Variants in ENTPD5 observed in about 807,000 individuals in gnomAD.
The protein encoded by ENTPD5 is nucleoside diphosphate phosphatase ENTPD5.
ENTPD5 carries 49 observed loss-of-function variants against 60.2 expected under a neutral mutation model. That is an observed-to-expected ratio of 0.81 (90% CI 0.65 to 1.03). ENTPD5 has a LOEUF of 1.03. Ranked by LOEUF, ENTPD5 falls within the 50% of genes least tolerant of loss-of-function variation. The pLI is 0.00. For synonymous variants in ENTPD5, 187 were observed against 185.4 expected (o/e 1.01, Z -0.07); for missense variants, 480 against 507.6 (o/e 0.95, Z 0.52).
chr14:73,973,109 G>A, intron 12 of ENTPD5, 85 bp from the exon 13 acceptor site: 1 of 1,501,230 alleles, frequency 6.7e-7, no homozygotes. Flanking sequence ...TGGAGACAAT[G>A]AGGGAACAGC....
rs987370994 is a variant in ENTPD5, at chr14:73,987,985, G to C, written c.118C>G (p.Pro40Ala). Residue 40 changes from proline to alanine, a missense_variant, in exon 4 of 16, where the codon CCC (proline) becomes GCC (alanine). By Grantham distance (27) the Pro-to-Ala change is conservative. Transcript: ENST00000334696. ...FEGIFLSSMCPINVSASTLYG... is the reference protein window; with the variant it reads ...FEGIFLSSMCAINVSASTLYG... Reference sequence around the variant, plus strand: ...AAGGTGCTGGCGCTGACATTGATGGGGCACATGGAAGACAGGAAGATACCC... The same window carrying C: ...AAGGTGCTGGCGCTGACATTGATGGCGCACATGGAAGACAGGAAGATACCC... 6 of 1,614,106 alleles carry C rather than the reference G, an allele frequency of 3.7e-6. No homozygotes were observed. Among genetic ancestry groups the C allele is most frequent in the Non-Finnish European group, 4.2e-6 (5 of 1,180,038 alleles).
chr14:73,961,083 C>T (rs74381978), downstream of ENTPD5: 1,140 of 1,452,682 alleles, frequency 7.8e-4, 7 homozygotes, highest in African/African-American at 0.014. Flanking sequence ...TTAGCCTAAG[C>T]TTTGGTTACA....
downstream of ENTPD5, among the ~76,000 whole-genome samples, chr14:73,962,159 G>A (rs2056769879): frequency 6.6e-6 from 1 of 152,006 alleles, no homozygotes; most frequent in African/African-American, 2.4e-5. Flanking sequence ...TGTTGGCCAA[G>A]CTGGTCTTGA....
downstream of ENTPD5, chr14:73,955,688 C>A: frequency 2.0e-6 from 3 of 1,513,326 alleles, no homozygotes; most frequent in Non-Finnish European, 2.8e-6. Context: ...ATTTTCCTAC[C>A]AGAGAGGCTG....
intron 14 of ENTPD5, 33 bp from the exon 15 acceptor site, chr14:73,970,158 T>C (rs750187914): frequency 2.0e-6 from 3 of 1,484,690 alleles, no homozygotes; most frequent in Admixed American, 1.7e-5. Context: ...GAGCTCAAGT[T>C]TGCAACTAAC....
At chr14:74,009,678 A>T (rs1230952816) in intron 3 of ENTPD5, among the ~76,000 whole-genome samples, 1 of 152,182 alleles carries the variant, frequency 6.6e-6, no homozygotes. Flanking sequence ...GCTGCAGTGG[A>T]GCAATCACAG....
Position 73,976,030 on chromosome 14 carries a change from A to G in ENTPD5, c.643-15T>C, listed in dbSNP as rs563099982. On this transcript the variant is annotated splice_polypyrimidine_tract_variant and intron_variant, in intron 9 of 15. Coordinates refer to ENST00000334696, the MANE Select transcript of ENTPD5 (RefSeq NM_001249.5). The stretch of plus-strand genomic sequence containing the variant: ...TCCAGAGTTTTCTGCAAATCAGAAA[A>G]AGCAAAAAGACTATTCAGGATCTGT... 2 of 1,603,046 alleles carry G rather than the reference A, an allele frequency of 1.2e-6. No homozygotes were observed. Among genetic ancestry groups the G allele is most frequent in the East Asian group, 4.5e-5 (2 of 44,832 alleles).
intron 6 of ENTPD5, among the ~76,000 whole-genome samples, chr14:73,982,164 T>C (rs2057717559): frequency 6.6e-6 from 1 of 152,156 alleles, no homozygotes; most frequent in South Asian, 2.1e-4. Context: ...AACCTCTGCT[T>C]CCTGGGTTGA....
chr14:74,009,992 G>A (rs1011723852), intron 3 of ENTPD5, among the ~76,000 whole-genome samples: 3 of 152,176 alleles, frequency 2.0e-5, no homozygotes, highest in South Asian at 2.1e-4. Context: ...GGGTTTCACC[G>A]TGTTAGCCAG....
downstream of ENTPD5, chr14:73,961,755 C>CAG: frequency 6.2e-7 from 1 of 1,614,176 alleles, no homozygotes; most frequent in East Asian, 2.2e-5. Flanking sequence ...AGCCACCTCA[C>CAG]AGGTTATGAA....
At chr14:73,982,910 G>T in intron 6 of ENTPD5, 108 bp downstream of exon 6, 1 of 1,107,238 alleles carries the variant, frequency 9.0e-7, no homozygotes, top group Non-Finnish European at 1.3e-6. Flanking sequence ...TGCTTTGGCA[G>T]TGGTGGAATA....
chr14:73,967,882 T>C (rs965660288), intron 15 of ENTPD5, among the ~76,000 whole-genome samples: 1 of 151,678 alleles, frequency 6.6e-6, no homozygotes, highest in Non-Finnish European at 1.5e-5. Flanking sequence ...TCTAGCACTT[T>C]GGGAGGCTGA....
At chr14:73,971,162 GT>G (rs113156308) in intron 14 of ENTPD5, among the ~76,000 whole-genome samples, 57,157 of 144,332 alleles carry the variant, frequency 0.4, 11,594 homozygotes, top group South Asian at 0.49. Context: ...AAGCCTCTTT[GT>G]TTTTTTTTTT....
chr14:73,995,814 A>C (rs1000099821), intron 3 of ENTPD5, among the ~76,000 whole-genome samples: 7 of 152,104 alleles, frequency 4.6e-5, no homozygotes, highest in Non-Finnish European at 8.8e-5. Flanking sequence ...AGTACATTTA[A>C]ATCTACTCCT....
At chr14:74,003,480 A>G in intron 3 of ENTPD5, 1 of 1,425,942 alleles carries the variant, frequency 7.0e-7, no homozygotes, top group Non-Finnish European at 9.5e-7. Context: ...GTAAACCGCT[A>G]GCTTGTTGCA....
At chr14:73,958,152 G>A (rs375128599), downstream of ENTPD5, 101 of 1,613,822 alleles carry the variant, frequency 6.3e-5, no homozygotes, top group Non-Finnish European at 8.2e-5. Flanking sequence ...CCCAGACCGA[G>A]TGACGGTTCT....
chr14:73,958,305 G>A, downstream of ENTPD5: 2 of 1,613,360 alleles, frequency 1.2e-6, no homozygotes, highest in African/African-American at 1.3e-5. Flanking sequence ...TTTTGCTAGG[G>A]GTCTTGTATA....
intron 3 of ENTPD5, among the ~76,000 whole-genome samples, chr14:74,000,659 A>G (rs1276668813): frequency 1.3e-5 from 2 of 149,200 alleles, no homozygotes. Flanking sequence ...TGTGCCTGTA[A>G]TCCCAGCTAC....
intron 14 of ENTPD5, among the ~76,000 whole-genome samples, chr14:73,971,158 CTT>C (rs1315672184): frequency 1.5e-5 from 2 of 129,634 alleles, no homozygotes; most frequent in African/African-American, 2.6e-5. Context: ...CCTAAAGCCT[CTT>C]TGTTTTTTTT....
Sources: allele counts gnomAD v4.1 joint callset (sites outside exome capture counted in the v4.1 genomes callset), GRCh38; gene constraint gnomAD v4.1.1; transcripts MANE v1.5; gene names NCBI Gene and HGNC (gene_info 2026-07-23, HGNC 2026-07-21).